The following SLC6A20 variants were observed in gnomAD, a reference collection of about 807,000 sequenced individuals.
The protein encoded by SLC6A20 is solute carrier family 6 member 20, also known as sodium- and chloride-dependent transporter XTRP3.
SLC6A20 carries 73 observed loss-of-function variants against 64.3 expected under a neutral mutation model. The observed-to-expected ratio is 1.14, with a 90% CI of 0.94 to 1.38. The LOEUF is 1.38. SLC6A20 is among the 40% of genes most tolerant of loss of function. The probability of loss-of-function intolerance (pLI) is 0.00; values close to 1 mark genes in which losing one functional copy is unlikely to be tolerated. For missense variants in SLC6A20, 725 were observed against 772.8 expected (o/e 0.94, Z 0.73); for synonymous variants, 347 against 329.6 (o/e 1.05, Z -0.57).
At chr3:45,795,739 G>GA (rs1448665582) in intron 1 of SLC6A20, among the ~76,000 whole-genome samples, 1 of 152,104 alleles carries the variant, frequency 6.6e-6, no homozygotes, top group Non-Finnish European at 1.5e-5. Context: ...ATTTATTTAA[G>GA]AAAAACAAAA....
In SLC6A20 at chr3:45,765,886, C is replaced by G. The variant is rs1457538525; in HGVS notation, c.1099-145G>C. ...TTGGAGCTTCCATCTGCAGATCAAC[C>G]CCTTACACTCAGCTGGGCTGAAACG... On this transcript the variant is annotated intron_variant, in intron 7 of 10. Coordinates refer to ENST00000358525, the MANE Select transcript of SLC6A20 (RefSeq NM_020208.4). The surrounding 1 kb of genome is among the most constrained non-coding windows in gnomAD (Gnocchi z 4.2). 26 of 804,662 alleles carry G rather than the reference C, an allele frequency of 3.2e-5. No individual in the cohort carries two copies. The highest frequency in any genetic ancestry group is 4.5e-5 in the Non-Finnish European group (23 of 511,492). The allele number at this position is 804,662 out of a possible 1,614,324, so 49.8% of individuals were successfully genotyped here. A position where few individuals can be genotyped will look rare whatever the true frequency, so the allele number is the denominator to read the frequency against.
intron 9 of SLC6A20, among the ~76,000 whole-genome samples, chr3:45,760,664 C>G (rs1699660122): frequency 6.6e-6 from 1 of 152,258 alleles, no homozygotes; most frequent in African/African-American, 2.4e-5. Context: ...TCTTTTCCCT[C>G]TTCTTTACTT....
chr3:45,771,693 G>A, intron 5 of SLC6A20: 1 of 630,084 alleles, frequency 1.6e-6, no homozygotes. Flanking sequence ...GAATACAGGT[G>A]CTATGTGGAG....
At chr3:45,760,067 G>T in intron 9 of SLC6A20, 45 bp from the exon 10 acceptor site, 1 of 1,575,022 alleles carries the variant, frequency 6.3e-7, no homozygotes. Context: ...ACCAGGCTGC[G>T]GAGGTCAGGG....
intron 7 of SLC6A20, among the ~76,000 whole-genome samples, chr3:45,766,087 G>A (rs533809650): frequency 3.3e-5 from 5 of 152,320 alleles, no homozygotes; most frequent in South Asian, 2.1e-4. Flanking sequence ...TGAAACCTCC[G>A]TGGCTGGGAC....
intron 7 of SLC6A20, among the ~76,000 whole-genome samples, chr3:45,768,952 A>G (rs1049129810): frequency 3.9e-5 from 6 of 152,260 alleles, no homozygotes; most frequent in African/African-American, 7.2e-5. Flanking sequence ...TAAGCATTGA[A>G]AAGAAAAATG....
chr3:45,759,975 T>C lies in SLC6A20; in HGVS notation c.1511A>G (p.Tyr504Cys). 6.2e-7 allele frequency: 1 copy of C among 1,614,112 alleles called. No individual in the cohort carries two copies. Among genetic ancestry groups the C allele is most frequent in the East Asian group, 2.2e-5 (1 of 44,880 alleles). ...TACGCCAGCCCACATCACCTTCCAG[T>C]ACCAGCTCACAGCTCGGCCGGTCAT... ...KAMTGRAVSW[Y>C]WKVMWAGVSP... The change falls in exon 10 of 11, where the codon TAC becomes TGC. Residue 504 changes from tyrosine (Y) to cysteine (C), a missense_variant. By Grantham distance (194) the Tyr-to-Cys change is radical (BLOSUM62 -2). Coordinates refer to ENST00000358525, the MANE Select transcript of SLC6A20 (RefSeq NM_020208.4).
rs137869182 is a variant in SLC6A20, at chr3:45,766,138, T to C, written c.1099-397A>G. Among the ~76,000 whole-genome samples the C allele has an allele frequency of 2.3e-3, 350 of 152,250 alleles. 4 individuals carry two copies. The Middle Eastern group carries it at 0.027, about 12-fold the overall frequency. ...GGGGCCAGGGCAGCAGGAAGCAGAA[T>C]TGTAGGGAGACAGCTTGGTCAGCAG... On this transcript the variant is annotated intron_variant, in intron 7 of 10. Transcript: ENST00000358525.
At chr3:45,776,124 G>T in intron 3 of SLC6A20, 136 bp from the exon 4 acceptor site, 1 of 767,890 alleles carries the variant, frequency 1.3e-6, no homozygotes, top group Non-Finnish European at 2.1e-6. Flanking sequence ...GGTGGCTGGA[G>T]CCCCTGAAGG....
At chr3:45,770,185 C>T in intron 7 of SLC6A20, 24 bp downstream of exon 7, 6 of 1,613,844 alleles carry the variant, frequency 3.7e-6, no homozygotes, top group African/African-American at 1.3e-5. Context: ...GAAGCCAGTC[C>T]TTGACCTTGC....
intron 1 of SLC6A20, chr3:45,790,469 C>T (rs1279525706): frequency 6.6e-6 from 1 of 152,240 alleles, no homozygotes; most frequent in African/African-American, 2.4e-5. Flanking sequence ...ATTCACTCGC[C>T]TCCATCTTGG....
chr3:45,782,244 G>A (rs1218406232), intron 1 of SLC6A20, 21 bp from the exon 2 acceptor site: 2 of 1,600,838 alleles, frequency 1.2e-6, no homozygotes, highest in East Asian at 2.3e-5. Flanking sequence ...CCAGAGCTGA[G>A]AGCCAGGCCA....
chr3:45,780,210 G>A (rs1480715453), intron 2 of SLC6A20, 110 bp from the exon 3 acceptor site: 11 of 930,742 alleles, frequency 1.2e-5, no homozygotes, highest in East Asian at 2.6e-5. Flanking sequence ...CGGGGTGGGC[G>A]AGGCCTCCCT....
At chr3:45,767,782 G>A (rs542326508) in intron 7 of SLC6A20, among the ~76,000 whole-genome samples, 73 of 152,308 alleles carry the variant, frequency 4.8e-4, no homozygotes, top group Admixed American at 1.8e-3. Flanking sequence ...AGAAGATCAT[G>A]AGAAAGAGAA....
In SLC6A20 at chr3:45,770,373, T is replaced by G; in HGVS notation, c.936-2A>C. On this transcript the variant is annotated splice_acceptor_variant, in intron 6 of 10. Transcript: ENST00000358525. LOFTEE classifies it high-confidence loss of function. ...GTGTTGGTCAGCAGCAGACTCACCC[T>G]GCAGAGCAGACCATCGGATCGACCT... 6.2e-7 allele frequency: 1 copy of G among 1,613,740 alleles called. No individual in the cohort carries two copies. The highest frequency in any genetic ancestry group is 8.5e-7 in the Non-Finnish European group (1 of 1,180,006).
intron 1 of SLC6A20, among the ~76,000 whole-genome samples, chr3:45,795,946 G>C (rs1353210875): frequency 1.3e-5 from 2 of 152,130 alleles, no homozygotes; most frequent in African/African-American, 4.8e-5. Context: ...ACACCTAAAC[G>C]TAAGGTTTAC....
In SLC6A20 at chr3:45,758,466, GT is replaced by G; in HGVS notation, c.*511del. On this transcript the variant is annotated 3_prime_UTR_variant, in exon 11 of 11. Transcript: ENST00000358525. ...AACTTGTCATCCTAAGATTTAAAGG[GT>G]GGAAGGGGAACACAGAAATTGCATA... 1 of 1,250,618 alleles carries G rather than the reference GT, an allele frequency of 8.0e-7. No individual in the cohort carries two copies. Among genetic ancestry groups the G allele is most frequent in the South Asian group, 1.3e-5 (1 of 74,998 alleles). 77.5% of individuals were successfully genotyped at this position (1,250,618 alleles called of 1,614,324 possible). A position where few individuals can be genotyped will look rare whatever the true frequency, so the allele number is the denominator to read the frequency against.
intron 9 of SLC6A20, 65 bp downstream of exon 9, chr3:45,762,848 C>T (rs1699706720): frequency 6.3e-7 from 1 of 1,589,470 alleles, no homozygotes; most frequent in African/African-American, 1.3e-5. Flanking sequence ...AGCTGTTTTC[C>T]TTGAGGGGCG....
intron 4 of SLC6A20, 98 bp downstream of exon 4, chr3:45,775,663 C>A: frequency 1.7e-6 from 2 of 1,188,030 alleles, no homozygotes; most frequent in South Asian, 1.4e-5. Flanking sequence ...AGAGGGCACT[C>A]CCTTGGCATT....
Sources: allele counts gnomAD v4.1 joint callset (sites outside exome capture counted in the v4.1 genomes callset), GRCh38; gene constraint gnomAD v4.1.1; non-coding constraint Gnocchi (gnomAD v3.1); transcripts MANE v1.5; gene names NCBI Gene and HGNC (gene_info 2026-07-23, HGNC 2026-07-21).